The following TPST2 variants were observed in gnomAD, a reference collection of about 807,000 sequenced individuals.
TPST2 encodes the protein tyrosylprotein sulfotransferase 2.
TPST2 carries 16 observed loss-of-function variants against 27.8 expected under a neutral mutation model. That is an observed-to-expected ratio of 0.58 (90% CI 0.39 to 0.88). TPST2 has a LOEUF of 0.88. Ranked by LOEUF, TPST2 falls within the 40% of genes least tolerant of loss-of-function variation. TPST2 has a pLI of 0.00. For missense variants in TPST2, 464 were observed against 543.1 expected, an observed-to-expected ratio of 0.85 and a Z score of 1.45; for synonymous variants, 229 against 231.7, an observed-to-expected ratio of 0.99 and a Z score of 0.10.
At chr22:26,528,823 A>G (rs753772900) in intron 5 of TPST2, among the ~76,000 whole-genome samples, 1 of 151,972 alleles carries the variant, frequency 6.6e-6, no homozygotes, top group Non-Finnish European at 1.5e-5. Context: ...TCTCTACTAA[A>G]ATACAAAAAT....
chr22:26,532,837 AC>A, intron 4 of TPST2, 92 bp from the exon 5 acceptor site: 2 of 1,140,626 alleles, frequency 1.8e-6, no homozygotes, highest in Non-Finnish European at 2.6e-6. Context: ...CCACCCATCC[AC>A]CTCGCCACCC....
At chr22:26,533,551 C>T (rs886628446) in intron 4 of TPST2, among the ~76,000 whole-genome samples, 3 of 152,210 alleles carry the variant, frequency 2.0e-5, no homozygotes, top group Non-Finnish European at 4.4e-5. Context: ...GGCAACAGAG[C>T]AAAGGCCCTG....
At chr22:26,549,489 C>T (rs1022938554) in intron 1 of TPST2, among the ~76,000 whole-genome samples, 31 of 151,110 alleles carry the variant, frequency 2.1e-4, no homozygotes, top group African/African-American at 7.3e-4. Context: ...AAATCTCCTC[C>T]GTACTAAAAT....
rs758802800 is a variant in TPST2 at position 26,540,808 on chromosome 22, C to T, written c.823G>A (p.Gly275Ser). The change falls in exon 3 of 7, where the codon GGT becomes AGT. Residue 275 changes from glycine (G) to serine (S), a missense_variant. Physicochemically the swap from Gly to Ser is moderately conservative, Grantham distance 56. Coordinates refer to ENST00000338754, the MANE Select transcript of TPST2 (RefSeq NM_003595.5). Reference protein sequence around the residue: ...LHHEDLIGKPGGVSLSKIERS... With the variant: ...LHHEDLIGKPSGVSLSKIERS... The stretch of plus-strand genomic sequence containing the variant: ...ACTCACTTGGACAGGGAGACACCAC[C>T]GGGCTTGCCAATGAGGTCTTCATGG... The T allele has an allele frequency of 5.6e-6, 9 of 1,597,680 alleles. No homozygotes were observed. Among genetic ancestry groups the T allele is most frequent in the African/African-American group, 2.7e-5 (2 of 74,752 alleles).
Position 26,540,678 on chromosome 22 carries a change from A to G in TPST2, c.842+111T>C. 2 of 987,600 alleles carry G rather than the reference A, an allele frequency of 2.0e-6. 1 individual carries two copies. The highest frequency in any genetic ancestry group is 3.4e-5 in the South Asian group (2 of 58,004). 61.2% of individuals were successfully genotyped at this position (987,600 alleles called of 1,614,324 possible). On this transcript the variant is annotated intron_variant, in intron 3 of 6. Coordinates refer to ENST00000338754, the MANE Select transcript of TPST2 (RefSeq NM_003595.5). ...ATGAAACGGAGGCTCAGAGAGATAT[A>G]GTGACTTGCCCAAGGCCACACAGCT...
chr22:26,541,537 G>T lies in TPST2; in HGVS notation c.94C>A (p.Arg32=). Residue 32 remains arginine, a synonymous_variant, in exon 3 of 7, where the codon CGG becomes AGG. Coordinates refer to ENST00000338754, the MANE Select transcript of TPST2 (RefSeq NM_003595.5). The surrounding 1 kb of genome is among the most constrained non-coding windows in gnomAD (Gnocchi z 5.9). The part of the protein sequence containing the change: ...VQLGQQVLEC[R]AVLAGLRSPR... ...CTCCGCAGGCCCGCCAGCACCGCCC[G>T]GCACTCTAGCACCTGCTGTCCCAGC... 1 of 1,611,528 alleles carries T rather than the reference G, an allele frequency of 6.2e-7. No individual in the cohort carries two copies. Among genetic ancestry groups the T allele is most frequent in the Non-Finnish European group, 8.5e-7 (1 of 1,179,168 alleles).
At chr22:26,527,192 T>C (rs1004143335) in intron 6 of TPST2, among the ~76,000 whole-genome samples, 1 of 152,170 alleles carries the variant, frequency 6.6e-6, no homozygotes, top group African/African-American at 2.4e-5. Flanking sequence ...CATATGCTGA[T>C]TGTTTAAAAA....
intron 1 of TPST2, among the ~76,000 whole-genome samples, chr22:26,577,110 A>AAG (rs1408198598): frequency 8.6e-5 from 13 of 151,004 alleles, no homozygotes; most frequent in Non-Finnish European, 1.6e-4. Flanking sequence ...AAAAAAAAAA[A>AAG]AAAGAAAATT....
intron 1 of TPST2, among the ~76,000 whole-genome samples, chr22:26,551,492 G>C (rs949148053): frequency 2.6e-5 from 4 of 152,182 alleles, no homozygotes; most frequent in African/African-American, 7.2e-5. Flanking sequence ...TGGGAGGCAG[G>C]GGAGCTAGAA....
intron 1 of TPST2, among the ~76,000 whole-genome samples, chr22:26,553,260 A>G (rs1188651030): frequency 1.3e-5 from 2 of 152,016 alleles, no homozygotes; most frequent in East Asian, 3.9e-4. Flanking sequence ...CGGGAAAACA[A>G]ATAGTTGATT....
At chr22:26,539,358 G>C (rs1925662627) in intron 3 of TPST2, among the ~76,000 whole-genome samples, 1 of 152,148 alleles carries the variant, frequency 6.6e-6, no homozygotes, top group Non-Finnish European at 1.5e-5. Context: ...CTGGGTCTCA[G>C]GATAGGGACA....
chr22:26,587,657 T>C (rs1389254466), intron 1 of TPST2, among the ~76,000 whole-genome samples: 2 of 151,862 alleles, frequency 1.3e-5, no homozygotes, highest in East Asian at 3.9e-4. Context: ...AGTTTACAAC[T>C]AACACATCAA....
At chr22:26,584,559 AG>A (rs1928263307) in intron 1 of TPST2, among the ~76,000 whole-genome samples, 1 of 152,124 alleles carries the variant, frequency 6.6e-6, no homozygotes, top group African/African-American at 2.4e-5. Context: ...CCAGCACTTG[AG>A]AGGCCAAGGT....
rs1925777037 is a variant in TPST2, at chr22:26,541,044, T to C, written c.587A>G (p.Lys196Arg). The C allele has an allele frequency of 6.2e-7, 1 of 1,613,818 alleles. No individual in the cohort carries two copies. The highest frequency in any genetic ancestry group is 1.3e-5 in the African/African-American group (1 of 74,928). ...GAGGTCAAAGCCCGCAATGGTGACTTTGCGCGTGATCATGGAGTGCACGGA... is the reference window on the plus strand; with the variant it reads ...GAGGTCAAAGCCCGCAATGGTGACTCTGCGCGTGATCATGGAGTGCACGGA... ...RASVHSMITR[K>R]VTIAGFDLSS... Residue 196 changes from lysine (K) to arginine (R), a missense_variant, in exon 3 of 7, where the codon AAA becomes AGA. Coordinates refer to ENST00000338754, the MANE Select transcript of TPST2 (RefSeq NM_003595.5). The surrounding 1 kb of genome is among the most constrained non-coding windows in gnomAD (Gnocchi z 5.9).
intron 3 of TPST2, among the ~76,000 whole-genome samples, chr22:26,539,852 G>A (rs955476391): frequency 2.0e-5 from 3 of 152,236 alleles, no homozygotes; most frequent in Non-Finnish European, 4.4e-5. Context: ...TAGCTGTGTA[G>A]CCTGAGGCCA....
At chr22:26,563,780 T>G (rs1271047453) in intron 1 of TPST2, among the ~76,000 whole-genome samples, 2 of 152,144 alleles carry the variant, frequency 1.3e-5, no homozygotes, top group Admixed American at 6.5e-5. Context: ...TGCCCATGCA[T>G]GAAAGGTGCC....
Position 26,567,726 on chromosome 22 carries a change from G to C in TPST2, c.-161+22327C>G, listed in dbSNP as rs191795361. Among the ~76,000 whole-genome samples, 728 of 152,204 alleles carry C rather than the reference G, an allele frequency of 4.8e-3. 3 individuals carry two copies. The highest frequency in any genetic ancestry group is 8.2e-3 in the Non-Finnish European group (557 of 68,014). On this transcript the variant is annotated intron_variant, in intron 1 of 6. Coordinates refer to ENST00000338754, the MANE Select transcript of TPST2 (RefSeq NM_003595.5). Reference sequence around the variant, plus strand: ...GTTCTGTGAAATCAATTTAAAAAAGGACAGGCAACACAACAGAAAAATGGG... The same window carrying C: ...GTTCTGTGAAATCAATTTAAAAAAGCACAGGCAACACAACAGAAAAATGGG...
At chr22:26,585,161 C>T (rs1213011838) in intron 1 of TPST2, among the ~76,000 whole-genome samples, 1 of 152,206 alleles carries the variant, frequency 6.6e-6, no homozygotes, top group Non-Finnish European at 1.5e-5. Context: ...GCCAGTGCCC[C>T]CTAGCTCCCT....
intron 1 of TPST2, among the ~76,000 whole-genome samples, chr22:26,551,895 T>C (rs1264684461): frequency 9.5e-6 from 1 of 104,968 alleles, no homozygotes; most frequent in East Asian, 2.5e-4. Flanking sequence ...TTTTTTTTTT[T>C]TTTTTTTTTT....
Sources: allele counts gnomAD v4.1 joint callset (sites outside exome capture counted in the v4.1 genomes callset), GRCh38; gene constraint gnomAD v4.1.1; non-coding constraint Gnocchi (gnomAD v3.1); transcripts MANE v1.5; gene names NCBI Gene and HGNC (gene_info 2026-07-23, HGNC 2026-07-21).